GPR39: variants seen among roughly 807,000 people sequenced by gnomAD.
The protein encoded by GPR39 is zinc sensing receptor.
GPR39 carries 23 observed loss-of-function variants against 18.4 expected under a neutral mutation model. That is an observed-to-expected ratio of 1.25 (90% CI 0.90 to 1.77). GPR39 has a LOEUF of 1.77. Ranked by LOEUF, GPR39 falls within the 40% of genes most tolerant of loss-of-function variation. The probability of loss-of-function intolerance (pLI) is 0.00; values close to 1 mark genes in which losing one functional copy is unlikely to be tolerated. For missense variants in GPR39, 647 were observed against 602.4 expected (o/e 1.07, Z -0.78); for synonymous variants, 280 against 257.9 (o/e 1.09, Z -0.82).
chr2:132,533,597 A>G (rs1157313720), intron 1 of GPR39, among the ~76,000 whole-genome samples: 1 of 152,124 alleles, frequency 6.6e-6, no homozygotes, highest in African/African-American at 2.4e-5. Context: ...TTCAAACTAT[A>G]TTACAAGGCT....
Position 132,645,671 on chromosome 2 carries a change from T to G in GPR39, c.*65T>G, listed in dbSNP as rs924524103. ...AGCCCTAAGAAAACGTCACTCTCAC[T>G]CTGCAGTCTCAAACTATGCCCCCAT... On this transcript the variant is annotated 3_prime_UTR_variant, in exon 2 of 2. Coordinates refer to ENST00000329321, the MANE Select transcript of GPR39 (RefSeq NM_001508.3). The G allele has an allele frequency of 3.2e-6, 5 of 1,546,342 alleles. No homozygotes were observed. In the African/African-American group the frequency reaches 6.9e-5, roughly 21 times the overall value.
intron 1 of GPR39, among the ~76,000 whole-genome samples, chr2:132,644,462 T>C (rs1681946282): frequency 3.3e-5 from 5 of 152,234 alleles, no homozygotes; most frequent in Admixed American, 3.3e-4. Flanking sequence ...AAGAAACACA[T>C]ATGCTGTTGC....
In GPR39 at chr2:132,615,738, A is replaced by G. The variant is rs79243640; in HGVS notation, c.857-29363A>G. Among the ~76,000 whole-genome samples the G allele has an allele frequency of 1.3e-3, 194 of 152,194 alleles. 2 individuals are homozygous for G. The highest frequency in any genetic ancestry group is 2.6e-3 in the Admixed American group (40 of 15,294). On this transcript the variant is annotated intron_variant, in intron 1 of 1. Transcript: ENST00000329321. ...CGTATTTATATTTAATTGAAATTCT[A>G]CTTTTTAGAGGTTCACTTGCAAGTC...
chr2:132,557,762 C>G (rs1680181339), intron 1 of GPR39, among the ~76,000 whole-genome samples: 1 of 152,180 alleles, frequency 6.6e-6, no homozygotes, highest in Non-Finnish European at 1.5e-5. Flanking sequence ...CACATATCTT[C>G]TCGTGACTGG....
chr2:132,537,627 C>G (rs938749220), intron 1 of GPR39, among the ~76,000 whole-genome samples: 9 of 151,856 alleles, frequency 5.9e-5, no homozygotes, highest in Non-Finnish European at 1.0e-4. Context: ...GGATAATATC[C>G]TGAAGTGTGT....
chr2:132,420,681 C>T (rs976235350), intron 1 of GPR39, among the ~76,000 whole-genome samples: 11 of 152,208 alleles, frequency 7.2e-5, no homozygotes, highest in East Asian at 3.9e-4. Flanking sequence ...GATTGTTCGC[C>T]GCTCGTTGTT....
At chr2:132,558,697 A>G (rs1021528184) in intron 1 of GPR39, among the ~76,000 whole-genome samples, 4 of 152,282 alleles carry the variant, frequency 2.6e-5, no homozygotes, top group Admixed American at 2.6e-4. Flanking sequence ...CTGCTTCCAG[A>G]AGCTCCTGGG....
At chr2:132,421,825 A>AG (rs1204242629) in intron 1 of GPR39, among the ~76,000 whole-genome samples, 1 of 143,650 alleles carries the variant, frequency 7.0e-6, no homozygotes, top group Non-Finnish European at 1.5e-5. Flanking sequence ...AGGGAAGAAG[A>AG]AGAGAGAGAA....
intron 1 of GPR39, among the ~76,000 whole-genome samples, chr2:132,521,834 T>C (rs1679431530): frequency 2.0e-5 from 3 of 152,236 alleles, no homozygotes; most frequent in Admixed American, 2.0e-4. Context: ...TAATGTACTG[T>C]GTCTTCATTC....
intron 1 of GPR39, among the ~76,000 whole-genome samples, chr2:132,567,540 A>G (rs898971556): frequency 6.6e-6 from 1 of 152,188 alleles, no homozygotes; most frequent in African/African-American, 2.4e-5. Flanking sequence ...CCCCACCAGC[A>G]AGAAGAATTT....
chr2:132,643,820 C>T (rs554407208), intron 1 of GPR39, among the ~76,000 whole-genome samples: 2 of 152,266 alleles, frequency 1.3e-5, no homozygotes, highest in African/African-American at 2.4e-5. Flanking sequence ...ATGTCTGGCC[C>T]CCATTTATTA....
At chr2:132,449,151 G>A (rs1388816340) in intron 1 of GPR39, among the ~76,000 whole-genome samples, 1 of 152,204 alleles carries the variant, frequency 6.6e-6, no homozygotes, top group African/African-American at 2.4e-5. Flanking sequence ...ATTGCCACAC[G>A]GCAAGGTTTC....
chr2:132,613,072 C>T (rs556791214), intron 1 of GPR39, among the ~76,000 whole-genome samples: 66 of 152,202 alleles, frequency 4.3e-4, no homozygotes, highest in Non-Finnish European at 7.2e-4. Flanking sequence ...TGAACTGTAC[C>T]ATTTTAAAAT....
intron 1 of GPR39, among the ~76,000 whole-genome samples, chr2:132,527,613 A>C (rs1048841054): frequency 6.6e-6 from 1 of 152,166 alleles, no homozygotes; most frequent in Non-Finnish European, 1.5e-5. Flanking sequence ...TTGTTTCTTG[A>C]CTTTTTAATA....
chr2:132,639,468 A>G (rs934179506), intron 1 of GPR39, among the ~76,000 whole-genome samples: 5 of 152,242 alleles, frequency 3.3e-5, no homozygotes, highest in Non-Finnish European at 7.3e-5. Flanking sequence ...TGGGACTCCA[A>G]CAGTAAGTAG....
At chr2:132,552,182 T>C (rs10170250) in intron 1 of GPR39, among the ~76,000 whole-genome samples, 25,400 of 152,184 alleles carry the variant, frequency 0.17, 2,164 homozygotes, top group Middle Eastern at 0.24. Flanking sequence ...TTGTTTTAGG[T>C]ATTTGATATA....
At chr2:132,430,725 A>G (rs949229563) in intron 1 of GPR39, among the ~76,000 whole-genome samples, 3 of 152,126 alleles carry the variant, frequency 2.0e-5, no homozygotes, top group Non-Finnish European at 4.4e-5. Context: ...CAGTGCCGTC[A>G]AGACTGCATG....
chr2:132,445,483 G>A (rs1680518760), intron 1 of GPR39, among the ~76,000 whole-genome samples: 1 of 152,130 alleles, frequency 6.6e-6, no homozygotes, highest in Non-Finnish European at 1.5e-5. Context: ...ACATACTAGA[G>A]TTACATATTT....
intron 1 of GPR39, among the ~76,000 whole-genome samples, chr2:132,632,382 C>T (rs1558865308): frequency 6.6e-6 from 1 of 152,204 alleles, no homozygotes; most frequent in Non-Finnish European, 1.5e-5. Context: ...ATCTTTATTT[C>T]TTGCCAGCTG....
Sources: allele counts gnomAD v4.1 joint callset (sites outside exome capture counted in the v4.1 genomes callset), GRCh38; gene constraint gnomAD v4.1.1; transcripts MANE v1.5; gene names NCBI Gene and HGNC (gene_info 2026-07-23, HGNC 2026-07-21).